XKR9: variants seen among roughly 807,000 people sequenced by gnomAD.
The protein encoded by XKR9 is XK-related protein 9.
A neutral mutation model predicts 32.0 loss-of-function variants in XKR9; 32 were observed. That is an observed-to-expected ratio of 1.00 (90% CI 0.76 to 1.34). XKR9 has a LOEUF of 1.34. Ranked by LOEUF, XKR9 falls within the 40% of genes most tolerant of loss-of-function variation. The probability of loss-of-function intolerance (pLI) is 0.00; values close to 1 mark genes in which losing one functional copy is unlikely to be tolerated. For missense variants in XKR9, 546 were observed against 429.7 expected, an observed-to-expected ratio of 1.27 and a Z score of -2.39; for synonymous variants, 168 against 143.4, an observed-to-expected ratio of 1.17 and a Z score of -1.22.
At chr8:70,981,438 C>T in the XKR9 span, among the ~76,000 whole-genome samples, 1 of 152,086 alleles carries the variant, frequency 6.6e-6, no homozygotes, top group African/African-American at 2.4e-5. Flanking sequence ...ATTGCTGAGA[C>T]TTTCCAGGGC....
the XKR9 span, among the ~76,000 whole-genome samples, chr8:70,944,534 T>C: frequency 4.3e-4 from 65 of 152,308 alleles, no homozygotes; most frequent in African/African-American, 1.5e-3. Flanking sequence ...ATACATCTTA[T>C]CTTGTTTATG....
the XKR9 span, among the ~76,000 whole-genome samples, chr8:71,018,550 G>A: frequency 7.2e-5 from 11 of 152,202 alleles, no homozygotes; most frequent in Non-Finnish European, 2.9e-5. Context: ...CACATTATCC[G>A]AGTAGTAGAA....
At chr8:70,675,897 T>TA (rs533475834) in intron 2 of XKR9, among the ~76,000 whole-genome samples, 58 of 152,358 alleles carry the variant, frequency 3.8e-4, no homozygotes, top group African/African-American at 1.3e-3. Context: ...AGCCTCTGCC[T>TA]GTTACTCAGT....
At chr8:70,736,392 G>A (rs552739855), downstream of XKR9, among the ~76,000 whole-genome samples, 69 of 152,038 alleles carry the variant, frequency 4.5e-4, no homozygotes, top group Middle Eastern at 3.4e-3. Flanking sequence ...AGTAGGTTGC[G>A]AACATTTTCT....
chr8:70,711,084 C>T (rs935409394), intron 4 of XKR9, among the ~76,000 whole-genome samples: 5 of 152,234 alleles, frequency 3.3e-5, no homozygotes, highest in South Asian at 4.1e-4. Context: ...TACCCTTGCA[C>T]ATCAATCAGA....
In XKR9 at chr8:70,693,975, G is replaced by A. The variant is rs866966830; in HGVS notation, c.272+12645G>A. On this transcript the variant is annotated intron_variant, in intron 3 of 4. Transcript: ENST00000408926. The stretch of plus-strand genomic sequence containing the variant: ...TACTGGCTTGGTAGCTCTGGCAGGG[G>A]GTGGTTGGAGGCCCAGGGCTGGAGG... Among the ~76,000 whole-genome samples the A allele has an allele frequency of 2.6e-5, 4 of 152,202 alleles. 1 individual carries two copies. The highest frequency in any genetic ancestry group is 4.4e-5 in the Non-Finnish European group (3 of 68,040).
At chr8:70,992,408 T>G in the XKR9 span, among the ~76,000 whole-genome samples, 1 of 152,272 alleles carries the variant, frequency 6.6e-6, no homozygotes, top group Admixed American at 6.5e-5. Context: ...TCCATATTCC[T>G]TTTGGTGTCC....
At chr8:70,993,580 A>C in the XKR9 span, among the ~76,000 whole-genome samples, 8 of 144,506 alleles carry the variant, frequency 5.5e-5, no homozygotes, top group Non-Finnish European at 9.4e-5. Flanking sequence ...AAGGATGAGA[A>C]TCTTCTAGTT....
chr8:71,005,147 G>A, the XKR9 span, among the ~76,000 whole-genome samples: 2 of 150,226 alleles, frequency 1.3e-5, no homozygotes, highest in South Asian at 4.3e-4. Context: ...CTTGATTCTT[G>A]GCTTTATTTT....
intron 2 of XKR9, among the ~76,000 whole-genome samples, chr8:70,680,305 C>T (rs1819030493): frequency 6.6e-6 from 1 of 151,994 alleles, no homozygotes. Flanking sequence ...CAATATTTCG[C>T]TCTTATAAAA....
intron 3 of XKR9, among the ~76,000 whole-genome samples, chr8:70,685,498 TA>T (rs1819236916): frequency 7.2e-6 from 1 of 138,948 alleles, no homozygotes; most frequent in Non-Finnish European, 1.6e-5. Context: ...AGTATAATAA[TA>T]ATAATAATAA....
At chr8:70,831,308 AAG>A in the XKR9 span, among the ~76,000 whole-genome samples, 1 of 151,090 alleles carries the variant, frequency 6.6e-6, no homozygotes, top group Non-Finnish European at 1.5e-5. Context: ...AAAAAAAAAA[AAG>A]TACCTAACTT....
downstream of XKR9, among the ~76,000 whole-genome samples, chr8:70,795,028 A>G (rs769292239): frequency 1.3e-5 from 2 of 152,056 alleles, no homozygotes; most frequent in Non-Finnish European, 2.9e-5. Context: ...TTTGCTATAT[A>G]GATAAACTTG....
chr8:70,884,107 T>A, the XKR9 span, among the ~76,000 whole-genome samples: 533 of 152,234 alleles, frequency 3.5e-3, 4 homozygotes, highest in African/African-American at 0.012. Context: ...TATTTCATTT[T>A]AAAAAAATTT....
At chr8:70,979,766 C>G in the XKR9 span, among the ~76,000 whole-genome samples, 2 of 152,178 alleles carry the variant, frequency 1.3e-5, no homozygotes, top group Non-Finnish European at 1.5e-5. Context: ...AAACATTGTG[C>G]TGGGAGAACC....
At chr8:70,904,968 T>C in the XKR9 span, among the ~76,000 whole-genome samples, 2 of 152,238 alleles carry the variant, frequency 1.3e-5, no homozygotes, top group South Asian at 2.1e-4. Context: ...TTCTGGCTTG[T>C]AGAGTTTCTG....
At chr8:70,997,603 G>A in the XKR9 span, among the ~76,000 whole-genome samples, 1 of 151,978 alleles carries the variant, frequency 6.6e-6, no homozygotes, top group Non-Finnish European at 1.5e-5. Context: ...TGGACGTTGG[G>A]GACACGGGGG....
the XKR9 span, among the ~76,000 whole-genome samples, chr8:70,834,105 C>T: frequency 1.3e-5 from 2 of 151,650 alleles, no homozygotes; most frequent in Admixed American, 1.3e-4. Flanking sequence ...AGTAACCTTG[C>T]ATTTCTCTCT....
the XKR9 span, among the ~76,000 whole-genome samples, chr8:70,812,489 A>G: frequency 6.6e-6 from 1 of 152,218 alleles, no homozygotes; most frequent in Non-Finnish European, 1.5e-5. Flanking sequence ...TGAGGAAAAG[A>G]GGAAGTCAAA....
Sources: gnomAD v4.1 joint callset for allele counts (sites outside exome capture counted in the v4.1 genomes callset) on GRCh38, gnomAD v4.1.1 for gene constraint, MANE v1.5 for transcripts, NCBI Gene and HGNC (gene_info 2026-07-23, HGNC 2026-07-21) for gene names.